Variants in PTPRK observed in about 807,000 individuals in gnomAD.
PTPRK encodes the protein receptor-type tyrosine-protein phosphatase kappa.
PTPRK carries 75 observed loss-of-function variants against 178.0 expected under a neutral mutation model. The ratio of observed to expected loss-of-function variants is 0.42; its 90% CI spans 0.35 to 0.51. PTPRK has a LOEUF of 0.51. Ranked by LOEUF, PTPRK falls within the 20% of genes least tolerant of loss-of-function variation. The pLI is 0.02. For synonymous variants in PTPRK, 637 were observed against 620.6 expected, an observed-to-expected ratio of 1.03 and a Z score of -0.39; for missense variants, 1,441 against 1,797.8, an observed-to-expected ratio of 0.80 and a Z score of 3.59.
At chr6:128,272,561 T>C (rs56359226) in intron 3 of PTPRK, among the ~76,000 whole-genome samples, 178 of 151,624 alleles carry the variant, frequency 1.2e-3, no homozygotes, top group Non-Finnish European at 2.1e-3. Flanking sequence ...TATGAACAGA[T>C]GCTTCTCAAA....
chr6:128,268,175 T>C (rs1819247345), intron 3 of PTPRK, among the ~76,000 whole-genome samples: 1 of 152,038 alleles, frequency 6.6e-6, no homozygotes, highest in Admixed American at 6.6e-5. Flanking sequence ...TACATTTACC[T>C]GAACCTTTCC....
intron 5 of PTPRK, among the ~76,000 whole-genome samples, chr6:128,231,178 A>G (rs1414226849): frequency 3.9e-5 from 6 of 152,212 alleles, no homozygotes; most frequent in African/African-American, 1.4e-4. Flanking sequence ...CGGTGACTTT[A>G]TCTCAAGACC....
rs1360587532 is a variant in PTPRK at position 128,244,988 on chromosome 6, G to A, written c.496-2386C>T. Among the ~76,000 whole-genome samples, 2 of 152,154 alleles carry A rather than the reference G, an allele frequency of 1.3e-5. 1 individual carries two copies. Among genetic ancestry groups the A allele is most frequent in the South Asian group, 4.1e-4 (2 of 4,826 alleles). ...CCAGGACATTTTTACTCTGGTGGAG[G>A]AGGAGAAGTTTGATTGACTGGGCTG... is the stretch of plus-strand genomic sequence containing the variant. On this transcript the variant is annotated intron_variant, in intron 3 of 29. Coordinates refer to ENST00000368226, the MANE Select transcript of PTPRK (RefSeq NM_002844.4).
chr6:128,282,802 CT>C lies in PTPRK; in HGVS notation c.495+39236del, dbSNP rs545199087. Among the ~76,000 whole-genome samples, 6 of 152,118 alleles carry C rather than the reference CT, an allele frequency of 3.9e-5. No individual in the cohort carries two copies. In the East Asian group the frequency reaches 1.2e-3, roughly 29 times the overall value. On this transcript the variant is annotated intron_variant, in intron 3 of 29. Transcript: ENST00000368226. ...AGATACCCCCAGAAAGCACTGTGAG[CT>C]TTTTTGCAAAAACAGTGTACAAACA...
intron 2 of PTPRK, among the ~76,000 whole-genome samples, chr6:128,374,903 T>C (rs1836807319): frequency 6.6e-6 from 1 of 152,046 alleles, no homozygotes; most frequent in Non-Finnish European, 1.5e-5. Context: ...AAATTGGTCA[T>C]CTTATTCTTC....
intron 6 of PTPRK, among the ~76,000 whole-genome samples, chr6:128,193,549 C>T (rs1804280312): frequency 6.6e-6 from 1 of 151,876 alleles, no homozygotes; most frequent in Admixed American, 6.6e-5. Flanking sequence ...GCTAAATATG[C>T]TGCTCTTCAT....
chr6:128,457,202 A>G lies in PTPRK; in HGVS notation c.101-59514T>C, dbSNP rs144388591. Reference sequence around the variant, plus strand: ...TATTATAAAAATCTGAGTCATATCTATCTAAATAGCACAGAATACAACCAA... The same window carrying G: ...TATTATAAAAATCTGAGTCATATCTGTCTAAATAGCACAGAATACAACCAA... On this transcript the variant is annotated intron_variant, in intron 1 of 29. Coordinates refer to ENST00000368226, the MANE Select transcript of PTPRK (RefSeq NM_002844.4). Among the ~76,000 whole-genome samples the G allele has an allele frequency of 4.3e-4, 66 of 152,276 alleles. 1 individual carries two copies. The highest frequency in any genetic ancestry group is 7.9e-4 in the Non-Finnish European group (54 of 67,998).
chr6:128,303,318 T>C (rs1429641109), intron 3 of PTPRK, among the ~76,000 whole-genome samples: 2 of 152,044 alleles, frequency 1.3e-5, no homozygotes, highest in Non-Finnish European at 2.9e-5. Flanking sequence ...CTCTACCCCC[T>C]AGATTCACTG....
rs1017008152 is a variant in PTPRK, at chr6:128,119,124, A to C, written c.1163-29132T>G. On this transcript the variant is annotated intron_variant, in intron 7 of 29. Transcript: ENST00000368226. Reference sequence around the variant, plus strand: ...TTGGCTAAATAACATATAATCTAGTAATTAAATGGAATCTAAGCTAGTAAA... The same window carrying C: ...TTGGCTAAATAACATATAATCTAGTCATTAAATGGAATCTAAGCTAGTAAA... Among the ~76,000 whole-genome samples the C allele has an allele frequency of 3.9e-5, 6 of 152,314 alleles. No individual in the cohort carries two copies. In the South Asian group the frequency reaches 1.2e-3, roughly 32 times the overall value.
At chr6:128,471,604 TAAAAA>T (rs34372021) in intron 1 of PTPRK, among the ~76,000 whole-genome samples, 12 of 63,602 alleles carry the variant, frequency 1.9e-4, no homozygotes, top group African/African-American at 4.4e-4. Flanking sequence ...CAAAACAACC[TAAAAA>T]AAAAAAAAAA....
At chr6:128,510,929 T>C (rs1164679087) in intron 1 of PTPRK, among the ~76,000 whole-genome samples, 1 of 152,074 alleles carries the variant, frequency 6.6e-6, no homozygotes, top group Non-Finnish European at 1.5e-5. Context: ...CATTAAAATC[T>C]TTAATTTGAG....
At chr6:128,143,855 T>G (rs932286113) in intron 7 of PTPRK, among the ~76,000 whole-genome samples, 2 of 152,202 alleles carry the variant, frequency 1.3e-5, no homozygotes, top group African/African-American at 4.8e-5. Flanking sequence ...TCTGCACTTG[T>G]AATAAAACAG....
chr6:128,305,732 C>T (rs1358567986), intron 3 of PTPRK, among the ~76,000 whole-genome samples: 10 of 152,168 alleles, frequency 6.6e-5, no homozygotes, highest in Non-Finnish European at 4.4e-5. Context: ...ATCCTTTAAA[C>T]TTTAACTACA....
chr6:128,346,029 G>T (rs1425916935), intron 2 of PTPRK, among the ~76,000 whole-genome samples: 1 of 151,950 alleles, frequency 6.6e-6, no homozygotes, highest in Non-Finnish European at 1.5e-5. Flanking sequence ...TATTTATCTT[G>T]CAAGAAAGAA....
At chr6:128,031,635 A>C (rs112952118) in intron 13 of PTPRK, among the ~76,000 whole-genome samples, 2,865 of 152,296 alleles carry the variant, frequency 0.019, 68 homozygotes, top group East Asian at 0.052. Context: ...ACTCCAAATC[A>C]ATTTAAAAAA....
chr6:128,042,809 TA>T (rs1196012387), intron 13 of PTPRK, among the ~76,000 whole-genome samples: 1 of 152,062 alleles, frequency 6.6e-6, no homozygotes, highest in Non-Finnish European at 1.5e-5. Context: ...ATCTATTTGA[TA>T]AAATATTATT....
intron 15 of PTPRK, among the ~76,000 whole-genome samples, chr6:127,999,127 C>G (rs1218596784): frequency 6.6e-6 from 1 of 152,004 alleles, no homozygotes; most frequent in Non-Finnish European, 1.5e-5. Context: ...AGACAACAGA[C>G]ACTGTGAGAT....
intron 13 of PTPRK, among the ~76,000 whole-genome samples, chr6:128,026,236 A>G (rs1364349094): frequency 3.3e-5 from 5 of 152,166 alleles, no homozygotes; most frequent in Non-Finnish European, 5.9e-5. Flanking sequence ...ATTTGTTTTT[A>G]CTGCTACCAG....
At chr6:128,103,901 G>A (rs1789222646) in intron 7 of PTPRK, among the ~76,000 whole-genome samples, 1 of 152,036 alleles carries the variant, frequency 6.6e-6, no homozygotes, top group Non-Finnish European at 1.5e-5. Flanking sequence ...GGAGTGGAAG[G>A]CCAGGTCCTG....
Sources: allele counts gnomAD v4.1 joint callset (sites outside exome capture counted in the v4.1 genomes callset), GRCh38; gene constraint gnomAD v4.1.1; transcripts MANE v1.5; gene names NCBI Gene and HGNC (gene_info 2026-07-23, HGNC 2026-07-21).